The following ORC5 variants were observed in gnomAD, a reference collection of about 807,000 sequenced individuals.
ORC5 encodes the protein origin recognition complex subunit 5.
A neutral mutation model predicts 58.8 loss-of-function variants in ORC5; 39 were observed. The observed-to-expected ratio is 0.66, with a 90% CI of 0.51 to 0.87. The LOEUF (loss-of-function observed/expected upper bound fraction) is 0.87, where lower values mean the gene tolerates loss of function less well. ORC5 is among the 40% of genes least tolerant of loss of function. The pLI, the probability that ORC5 is intolerant of heterozygous loss-of-function variation, is 0.00. For synonymous variants in ORC5, 218 were observed against 177.6 expected, an observed-to-expected ratio of 1.23 and a Z score of -1.81; for missense variants, 493 against 506.3, an observed-to-expected ratio of 0.97 and a Z score of 0.25.
intron 13 of ORC5, among the ~76,000 whole-genome samples, chr7:104,130,060 T>A (rs144282394): frequency 2.0e-5 from 3 of 152,200 alleles, no homozygotes; most frequent in African/African-American, 7.2e-5. Flanking sequence ...GAGATTTTTT[T>A]AATTTTTTTT....
At chr7:104,154,457 T>G (rs1267286044) in intron 12 of ORC5, among the ~76,000 whole-genome samples, 1 of 152,036 alleles carries the variant, frequency 6.6e-6, no homozygotes, top group Non-Finnish European at 1.5e-5. Context: ...TAAGTATTAG[T>G]TCCTTCAGCA....
intron 8 of ORC5, among the ~76,000 whole-genome samples, chr7:104,172,161 T>C (rs906415882): frequency 6.6e-6 from 1 of 152,238 alleles, no homozygotes; most frequent in African/African-American, 2.4e-5. Context: ...CTCTAACTCC[T>C]GTTAATACAG....
intron 6 of ORC5, among the ~76,000 whole-genome samples, chr7:104,185,849 A>G (rs771902321): frequency 5.3e-5 from 8 of 151,986 alleles, no homozygotes; most frequent in African/African-American, 1.2e-4. Flanking sequence ...AAATAATTCA[A>G]TAAGGCACAG....
At chr7:104,151,588 T>A (rs895017376) in intron 12 of ORC5, among the ~76,000 whole-genome samples, 1 of 152,208 alleles carries the variant, frequency 6.6e-6, no homozygotes, top group Admixed American at 6.5e-5. Flanking sequence ...AATTAATAAA[T>A]GATTAGTTTT....
intron 12 of ORC5, among the ~76,000 whole-genome samples, chr7:104,144,045 G>A (rs1047821700): frequency 6.6e-6 from 1 of 152,084 alleles, no homozygotes; most frequent in Non-Finnish European, 1.5e-5. Flanking sequence ...CTTGAACCCA[G>A]GGGGTGGAGG....
At chr7:104,140,483 C>G (rs943410156) in intron 12 of ORC5, among the ~76,000 whole-genome samples, 6 of 152,120 alleles carry the variant, frequency 3.9e-5, no homozygotes, top group Non-Finnish European at 2.9e-5. Flanking sequence ...GGAAGTCCTC[C>G]TTTATTTCCA....
chr7:104,178,991 G>A (rs2115944847), intron 8 of ORC5, among the ~76,000 whole-genome samples: 1 of 151,968 alleles, frequency 6.6e-6, no homozygotes, highest in South Asian at 2.1e-4. Flanking sequence ...ATTTTAGAAA[G>A]TAAATTTAAG....
At chr7:104,163,906 C>G (rs1348258539) in intron 11 of ORC5, among the ~76,000 whole-genome samples, 3 of 152,210 alleles carry the variant, frequency 2.0e-5, no homozygotes, top group African/African-American at 7.2e-5. Context: ...TCTCGCTCTT[C>G]TACATTATCT....
At chr7:104,152,969 A>G (rs1798869771) in intron 12 of ORC5, among the ~76,000 whole-genome samples, 6 of 152,162 alleles carry the variant, frequency 3.9e-5, no homozygotes, top group Admixed American at 2.6e-4. Flanking sequence ...TTATACATTC[A>G]CAAAGGCAAA....
rs1799089688 is a variant in ORC5 at position 104,165,278 on chromosome 7, T to C, written c.995A>G (p.His332Arg). The change falls in exon 11 of 14, where the codon CAT becomes CGT. Residue 332 changes from histidine to arginine, a missense_variant. By Grantham distance (29) the His-to-Arg change is conservative (BLOSUM62 0). Transcript: ENST00000297431. ...RTDKRFFLKH[H>R]GKIKKTNFLK... The stretch of plus-strand genomic sequence containing the variant: ...AAAGTTGGTTTTCTTGATTTTTCCA[T>C]GATGCTGCAATTAAGGAAAACAAAT... 5 of 1,530,870 alleles carry C rather than the reference T, an allele frequency of 3.3e-6. No individual in the cohort carries two copies. The highest frequency in any genetic ancestry group is 4.5e-6 in the Non-Finnish European group (5 of 1,118,238). The allele number at this position is 1,530,870 out of a possible 1,614,324, so 94.8% of individuals were successfully genotyped here.
At chr7:104,179,652 GT>G (rs954271948) in intron 8 of ORC5, among the ~76,000 whole-genome samples, 16 of 143,806 alleles carry the variant, frequency 1.1e-4, no homozygotes, top group South Asian at 4.5e-4. Context: ...TTTTTTTGTT[GT>G]TTTTTTTTTC....
Position 104,138,449 on chromosome 7 carries a change from T to C in ORC5, c.1150-1556A>G, listed in dbSNP as rs1041441062. ...GTTAGGTAGCTGGTTAGATGAGAGA[T>C]AAGAAATACATCCTTCAGACCTGGG... On this transcript the variant is annotated intron_variant, in intron 12 of 13. Transcript: ENST00000297431. The surrounding 1 kb of genome is among the most constrained non-coding windows in gnomAD (Gnocchi z 4.7). Among the ~76,000 whole-genome samples the C allele has an allele frequency of 2.0e-5, 3 of 152,174 alleles. No homozygotes were observed. The highest frequency in any genetic ancestry group is 2.9e-5 in the Non-Finnish European group (2 of 68,012).
chr7:104,145,776 G>A (rs2115789260), intron 12 of ORC5, among the ~76,000 whole-genome samples: 1 of 151,460 alleles, frequency 6.6e-6, no homozygotes, highest in South Asian at 2.1e-4. Context: ...AATATAGAGG[G>A]TGCGAGTCTT....
chr7:104,206,773 T>C (rs1472858771), intron 1 of ORC5, among the ~76,000 whole-genome samples: 1 of 152,192 alleles, frequency 6.6e-6, no homozygotes, highest in Non-Finnish European at 1.5e-5. Flanking sequence ...AATACCCTAT[T>C]TTCACTGTAC....
chr7:104,199,638 AACTT>A (rs1799890500), intron 3 of ORC5, among the ~76,000 whole-genome samples: 2 of 152,164 alleles, frequency 1.3e-5, no homozygotes, highest in Non-Finnish European at 2.9e-5. Flanking sequence ...GAAAGTAACT[AACTT>A]ACTTTTGATT....
intron 1 of ORC5, among the ~76,000 whole-genome samples, 175 bp from the exon 2 acceptor site, chr7:104,204,409 ACTTT>A (rs1800024145): frequency 6.6e-6 from 1 of 152,140 alleles, no homozygotes; most frequent in Admixed American, 6.5e-5. Flanking sequence ...AACTCTAAGC[ACTTT>A]CTTTGTTATG....
chr7:104,178,677 G>C (rs1218572818), intron 8 of ORC5, among the ~76,000 whole-genome samples: 5 of 151,784 alleles, frequency 3.3e-5, no homozygotes, highest in Admixed American at 3.3e-4. Flanking sequence ...TTTCTTCTAG[G>C]GTTTTTATGG....
intron 8 of ORC5, among the ~76,000 whole-genome samples, chr7:104,177,532 A>C (rs1399322411): frequency 2.0e-5 from 3 of 152,152 alleles, no homozygotes; most frequent in Non-Finnish European, 2.9e-5. Flanking sequence ...GTATACCCCC[A>C]AAAATAAGAT....
At chr7:104,134,164 G>A (rs1473831931) in intron 13 of ORC5, among the ~76,000 whole-genome samples, 1 of 152,072 alleles carries the variant, frequency 6.6e-6, no homozygotes, top group African/African-American at 2.4e-5. Flanking sequence ...GCTCACACCT[G>A]TAATCCCAGG....
Sources: allele counts gnomAD v4.1 joint callset (sites outside exome capture counted in the v4.1 genomes callset), GRCh38; gene constraint gnomAD v4.1.1; non-coding constraint Gnocchi (gnomAD v3.1); transcripts MANE v1.5; gene names NCBI Gene and HGNC (gene_info 2026-07-23, HGNC 2026-07-21).